C1QTNF3: variants seen among roughly 807,000 people sequenced by gnomAD.
C1QTNF3 encodes C1q and TNF related 3.
Under a neutral mutation model 32.6 loss-of-function variants are expected in C1QTNF3, and 26 were observed. That is an observed-to-expected ratio of 0.80 (90% CI 0.58 to 1.11). The LOEUF (loss-of-function observed/expected upper bound fraction) is 1.11, where lower values mean the gene tolerates loss of function less well. Ranked by LOEUF, C1QTNF3 falls within the 50% of genes least tolerant of loss-of-function variation. C1QTNF3 has a pLI of 0.00. For missense variants in C1QTNF3, 362 were observed against 398.2 expected, an observed-to-expected ratio of 0.91 and a Z score of 0.77; for synonymous variants, 155 against 146.0, an observed-to-expected ratio of 1.06 and a Z score of -0.44.
At chr5:34,126,946 T>TA in the C1QTNF3 span, among the ~76,000 whole-genome samples, 1 of 152,176 alleles carries the variant, frequency 6.6e-6, no homozygotes. Flanking sequence ...ATGATAGTGA[T>TA]AGAGTTCTCA....
chr5:34,061,548 A>C, the C1QTNF3 span, among the ~76,000 whole-genome samples: 1 of 152,174 alleles, frequency 6.6e-6, no homozygotes, highest in Non-Finnish European at 1.5e-5. Context: ...ATATCTTCTG[A>C]AATCTAGGTG....
the C1QTNF3 span, among the ~76,000 whole-genome samples, chr5:34,212,396 T>A: frequency 1.3e-5 from 2 of 151,838 alleles, no homozygotes; most frequent in Non-Finnish European, 2.9e-5. Flanking sequence ...AAGCCAAAAT[T>A]GACAAATGGG....
the C1QTNF3 span, among the ~76,000 whole-genome samples, chr5:34,222,956 C>G: frequency 6.6e-6 from 1 of 151,592 alleles, no homozygotes; most frequent in East Asian, 1.9e-4. Flanking sequence ...TGCATTTTTA[C>G]CCTCAGTGAT....
chr5:34,028,250 G>T (rs1424502881), intron 4 of C1QTNF3, among the ~76,000 whole-genome samples: 1 of 152,200 alleles, frequency 6.6e-6, no homozygotes, highest in African/African-American at 2.4e-5. Context: ...GGGATTACAG[G>T]CATGAGCCAC....
chr5:34,085,462 T>C, the C1QTNF3 span, among the ~76,000 whole-genome samples: 7 of 151,374 alleles, frequency 4.6e-5, no homozygotes, highest in Non-Finnish European at 8.8e-5. Context: ...GACCAGAAGA[T>C]TGTAGATGTG....
chr5:34,209,820 C>T, the C1QTNF3 span, among the ~76,000 whole-genome samples: 1 of 152,040 alleles, frequency 6.6e-6, no homozygotes, highest in East Asian at 1.9e-4. Context: ...CTCTTAAACG[C>T]TCTGATATTC....
chr5:34,019,432 T>C lies in C1QTNF3; in HGVS notation c.*1151A>G, dbSNP rs752062266. On this transcript the variant is annotated 3_prime_UTR_variant, in exon 6 of 6. Transcript: ENST00000382065. ...ATGAACATTACAAAGACTTAAGGTA[T>C]GTGATAAAAAACCTCTTTCCTTACA... 1 of 152,190 alleles carries C rather than the reference T, an allele frequency of 6.6e-6. No homozygotes were observed. The highest frequency in any genetic ancestry group is 6.5e-5 in the Admixed American group (1 of 15,274). 9.4% of individuals were successfully genotyped at this position (152,190 alleles called of 1,614,324 possible).
the C1QTNF3 span, among the ~76,000 whole-genome samples, chr5:34,223,448 T>C: frequency 2.7e-5 from 4 of 148,448 alleles, no homozygotes; most frequent in Admixed American, 6.8e-5. Flanking sequence ...GTTCCAAGTC[T>C]TTGCTATTGT....
chr5:34,204,549 T>C, the C1QTNF3 span, among the ~76,000 whole-genome samples: 1 of 152,202 alleles, frequency 6.6e-6, no homozygotes, highest in African/African-American at 2.4e-5. Flanking sequence ...TGTATATACA[T>C]GGACATAGAA....
chr5:34,120,942 T>G, the C1QTNF3 span, among the ~76,000 whole-genome samples: 1 of 152,242 alleles, frequency 6.6e-6, no homozygotes, highest in South Asian at 2.1e-4. Flanking sequence ...CTTCCTGCAT[T>G]GAGAAATTTT....
the C1QTNF3 span, among the ~76,000 whole-genome samples, chr5:34,087,888 T>C: frequency 1.3e-5 from 2 of 152,270 alleles, no homozygotes; most frequent in Admixed American, 6.5e-5. Flanking sequence ...CTGGCCCTTT[T>C]ATTTTTTTAT....
the C1QTNF3 span, among the ~76,000 whole-genome samples, chr5:34,178,084 T>C: frequency 2.7e-3 from 338 of 126,930 alleles, 3 homozygotes; most frequent in Middle Eastern, 0.022. Context: ...CTGACCAACA[T>C]GGTGAAACCT....
chr5:34,135,294 T>C, the C1QTNF3 span, among the ~76,000 whole-genome samples: 1 of 152,220 alleles, frequency 6.6e-6, no homozygotes, highest in Non-Finnish European at 1.5e-5. Context: ...ATAAGCTTTT[T>C]GATGTGCTGC....
At chr5:34,043,595 G>C (rs767009091), upstream of C1QTNF3, 1 of 159,584 alleles carries the variant, frequency 6.3e-6, no homozygotes, top group Non-Finnish European at 1.4e-5. Flanking sequence ...TGAAATAGCA[G>C]TGGGAACCCA....
chr5:34,035,869 C>A, intron 1 of C1QTNF3, 111 bp from the exon 2 acceptor site: 1 of 756,794 alleles, frequency 1.3e-6, no homozygotes, highest in Non-Finnish European at 2.2e-6. Context: ...AATCGAATCA[C>A]AGCAAGATCA....
At chr5:34,120,061 T>G in the C1QTNF3 span, among the ~76,000 whole-genome samples, 1 of 152,182 alleles carries the variant, frequency 6.6e-6, no homozygotes, top group Non-Finnish European at 1.5e-5. Flanking sequence ...GAGGAATGGA[T>G]TGTTCCTAAT....
chr5:34,235,890 T>C, the C1QTNF3 span, among the ~76,000 whole-genome samples: 1 of 152,276 alleles, frequency 6.6e-6, no homozygotes, highest in Non-Finnish European at 1.5e-5. Flanking sequence ...ACATATAATA[T>C]CTTAAACAGA....
the C1QTNF3 span, among the ~76,000 whole-genome samples, chr5:34,145,181 T>A: frequency 5.2e-4 from 79 of 152,028 alleles, no homozygotes; most frequent in Non-Finnish European, 1.0e-3. Flanking sequence ...CTATATGTAA[T>A]TGAGGTGCAA....
chr5:34,203,649 G>A, the C1QTNF3 span, among the ~76,000 whole-genome samples: 3 of 151,204 alleles, frequency 2.0e-5, no homozygotes, highest in Non-Finnish European at 4.4e-5. Flanking sequence ...TTGCGCCACT[G>A]CACTCCAATC....
Sources: allele counts gnomAD v4.1 joint callset (sites outside exome capture counted in the v4.1 genomes callset), GRCh38; gene constraint gnomAD v4.1.1; transcripts MANE v1.5; gene names NCBI Gene and HGNC (gene_info 2026-07-23, HGNC 2026-07-21).